DAB1: variants seen among roughly 807,000 people sequenced by gnomAD.
DAB1 encodes disabled homolog 1.
DAB1 carries 15 observed loss-of-function variants against 64.6 expected under a neutral mutation model. That is an observed-to-expected ratio of 0.23 (90% CI 0.16 to 0.36). DAB1 has a LOEUF of 0.36. DAB1 is among the 10% of genes least tolerant of loss of function. The pLI, the probability that DAB1 is intolerant of heterozygous loss-of-function variation, is 1.00. For missense variants in DAB1, 596 were observed against 706.7 expected (o/e 0.84, Z 1.78); for synonymous variants, 235 against 251.9 (o/e 0.93, Z 0.64).
At chr1:58,167,699 C>T (rs1220922265) in intron 4 of DAB1, among the ~76,000 whole-genome samples, 5 of 152,186 alleles carry the variant, frequency 3.3e-5, no homozygotes, top group African/African-American at 4.8e-5. Context: ...CGAGGGTCTG[C>T]GGCTTCATTC....
intron 7 of DAB1, among the ~76,000 whole-genome samples, chr1:57,587,199 C>T (rs550507329): frequency 1.3e-3 from 197 of 152,354 alleles, no homozygotes; most frequent in Non-Finnish European, 2.3e-3. Context: ...TTTCCCCCTA[C>T]TATTCCTTGT....
chr1:57,440,135 A>G (rs534896424), intron 7 of DAB1, among the ~76,000 whole-genome samples: 5 of 152,220 alleles, frequency 3.3e-5, no homozygotes, highest in Admixed American at 3.3e-4. Flanking sequence ...AACCTGCAAA[A>G]CCTGGCTGAA....
intron 4 of DAB1, among the ~76,000 whole-genome samples, chr1:58,204,502 G>A (rs1658161339): frequency 6.6e-6 from 1 of 152,218 alleles, no homozygotes; most frequent in African/African-American, 2.4e-5. Flanking sequence ...GGGTAGAGAA[G>A]TGAGGCATGG....
intron 7 of DAB1, among the ~76,000 whole-genome samples, chr1:57,521,345 C>CAATTCCACAAAAGAGGGAGGCAGAT (rs767626775): frequency 6.6e-6 from 1 of 152,136 alleles, no homozygotes; most frequent in Non-Finnish European, 1.5e-5. Context: ...CACAAAGGAG[C>CAATTCCACAAAAGAGGGAGGCAGAT]AATTCCACAA....
intron 7 of DAB1, among the ~76,000 whole-genome samples, chr1:57,638,024 A>G (rs544094664): frequency 6.6e-6 from 1 of 152,342 alleles, no homozygotes; most frequent in South Asian, 2.1e-4. Context: ...AAACCAACTA[A>G]GCTTTATATT....
intron 7 of DAB1, among the ~76,000 whole-genome samples, chr1:57,640,101 A>G (rs372502926): frequency 2.6e-5 from 4 of 152,284 alleles, no homozygotes; most frequent in African/African-American, 9.6e-5. Flanking sequence ...ATGAGTGCAG[A>G]TGCAGGTCTC....
At chr1:57,883,716 A>G (rs918553042) in intron 1 of DAB1, among the ~76,000 whole-genome samples, 4 of 152,150 alleles carry the variant, frequency 2.6e-5, no homozygotes, top group Non-Finnish European at 4.4e-5. Context: ...TTAGTCTCCA[A>G]TCTAAGTCAG....
chr1:57,935,102 C>A, intron 5 of DAB1, among the ~76,000 whole-genome samples: 1 of 152,190 alleles, frequency 6.6e-6, no homozygotes, highest in Non-Finnish European at 1.5e-5. Flanking sequence ...GATGCTAACG[C>A]CTGCCACAGA....
chr1:58,083,923 G>C (rs1650149736), intron 5 of DAB1, among the ~76,000 whole-genome samples: 1 of 152,122 alleles, frequency 6.6e-6, no homozygotes, highest in African/African-American at 2.4e-5. Context: ...TGTTTAAGTA[G>C]AACGTTCTAG....
chr1:57,562,435 A>G (rs1429425162), intron 7 of DAB1, among the ~76,000 whole-genome samples: 3 of 152,240 alleles, frequency 2.0e-5, no homozygotes, highest in Non-Finnish European at 4.4e-5. Flanking sequence ...TTTACAATTC[A>G]CTGGTCTTAC....
chr1:57,283,755 A>G (rs183875172), intron 2 of DAB1, among the ~76,000 whole-genome samples: 51 of 152,342 alleles, frequency 3.3e-4, no homozygotes, highest in Non-Finnish European at 5.9e-4. Context: ...TCCTAAGAAC[A>G]TAAGTTGTTT....
intron 7 of DAB1, among the ~76,000 whole-genome samples, chr1:57,552,596 T>C (rs914137429): frequency 5.9e-5 from 9 of 152,180 alleles, no homozygotes; most frequent in African/African-American, 2.2e-4. Context: ...CAGGAAACAG[T>C]GTAAGCAAAG....
At chr1:58,023,207 A>G (rs993548950) in intron 5 of DAB1, among the ~76,000 whole-genome samples, 1 of 152,074 alleles carries the variant, frequency 6.6e-6, no homozygotes, top group African/African-American at 2.4e-5. Flanking sequence ...AACCTCTCCA[A>G]TACCCCCAAA....
intron 6 of DAB1, among the ~76,000 whole-genome samples, chr1:57,794,947 G>A (rs554562742): frequency 1.1e-4 from 16 of 152,304 alleles, no homozygotes; most frequent in African/African-American, 3.1e-4. Context: ...GCCTAATAGC[G>A]GTCCTCATGG....
At chr1:57,020,183 G>A (rs369374454) in intron 11 of DAB1, among the ~76,000 whole-genome samples, 7 of 152,172 alleles carry the variant, frequency 4.6e-5, no homozygotes, top group African/African-American at 1.7e-4. Flanking sequence ...TCTGGGGTGA[G>A]TGTGATTGCT....
chr1:57,693,462 A>C (rs1166876775), intron 6 of DAB1, among the ~76,000 whole-genome samples: 1 of 152,154 alleles, frequency 6.6e-6, no homozygotes, highest in East Asian at 1.9e-4. Flanking sequence ...TAGCTAAAGG[A>C]TTGTAAATGC....
intron 5 of DAB1, among the ~76,000 whole-genome samples, chr1:58,041,565 G>A (rs748042170): frequency 6.6e-6 from 1 of 152,172 alleles, no homozygotes; most frequent in Non-Finnish European, 1.5e-5. Context: ...TTGTGGGGTA[G>A]AGTAACCTGC....
chr1:57,298,261 C>T (rs2100689863), intron 1 of DAB1, among the ~76,000 whole-genome samples: 1 of 152,162 alleles, frequency 6.6e-6, no homozygotes, highest in Non-Finnish European at 1.5e-5. Flanking sequence ...TTGCAGGAAC[C>T]CAATGGCAGC....
chr1:57,046,434 T>C (rs2100504535), intron 9 of DAB1, among the ~76,000 whole-genome samples: 1 of 152,370 alleles, frequency 6.6e-6, no homozygotes, highest in African/African-American at 2.4e-5. Context: ...TCCTTTTTTT[T>C]ACACTAGACT....
Sources: gnomAD v4.1 joint callset for allele counts (sites outside exome capture counted in the v4.1 genomes callset) on GRCh38, gnomAD v4.1.1 for gene constraint, MANE v1.5 for transcripts, NCBI Gene and HGNC (gene_info 2026-07-23, HGNC 2026-07-21) for gene names.